Variants in OPRM1 observed in about 807,000 individuals in gnomAD.
OPRM1 encodes the protein mu-type opioid receptor.
In OPRM1, 27 loss-of-function variants were observed where a neutral mutation model predicts 31.8. The observed-to-expected ratio is 0.85, with a 90% CI of 0.63 to 1.17. The LOEUF is 1.17. OPRM1 is among the 50% of genes most tolerant of loss of function. The probability of loss-of-function intolerance (pLI) is 0.00; values close to 1 mark genes in which losing one functional copy is unlikely to be tolerated. For synonymous variants in OPRM1, 196 were observed against 189.9 expected, an observed-to-expected ratio of 1.03 and a Z score of -0.26; for missense variants, 536 against 511.1, an observed-to-expected ratio of 1.05 and a Z score of -0.47.
At chr6:154,030,112 T>G (rs73788968) in intron 1 of OPRM1, among the ~76,000 whole-genome samples, 4,345 of 152,230 alleles carry the variant, frequency 0.029, 195 homozygotes, top group African/African-American at 0.1. Context: ...AACACAATGG[T>G]CTATCATTAA....
rs550544930 is a variant in OPRM1 at position 154,121,412 on chromosome 6, C to T, written c.*2691C>T. Among the ~76,000 whole-genome samples, 1 of 152,306 alleles carries T rather than the reference C, an allele frequency of 6.6e-6. No homozygotes were observed. Among genetic ancestry groups the T allele is most frequent in the East Asian group, 1.9e-4 (1 of 5,188 alleles). On this transcript the variant is annotated 3_prime_UTR_variant, in exon 4 of 4. Coordinates refer to ENST00000330432, the MANE Select transcript of OPRM1 (RefSeq NM_000914.5). ...TGGTGAGTCTCTAGGACCCTGCTATCCTATCCCAACAGGGCTGTCAGACGG... is the reference window on the plus strand; with the variant it reads ...TGGTGAGTCTCTAGGACCCTGCTATTCTATCCCAACAGGGCTGTCAGACGG...
chr6:154,180,360 A>T (rs1335864360), intron 3 of OPRM1, among the ~76,000 whole-genome samples: 1 of 149,336 alleles, frequency 6.7e-6, no homozygotes, highest in African/African-American at 2.5e-5. Flanking sequence ...ATATATATAT[A>T]TACTGAGCTA....
chr6:154,246,670 C>T, intron 3 of OPRM1: 1 of 1,614,094 alleles, frequency 6.2e-7, no homozygotes, highest in Non-Finnish European at 8.5e-7. Context: ...TAGGAAACTT[C>T]CCTTTTCCTT....
intron 1 of OPRM1, among the ~76,000 whole-genome samples, chr6:154,050,369 A>T (rs1781947752): frequency 6.6e-6 from 1 of 152,226 alleles, no homozygotes; most frequent in African/African-American, 2.4e-5. Flanking sequence ...AGATTAATGG[A>T]TAAAGAAAAT....
chr6:154,228,505 G>A (rs560188617), intron 3 of OPRM1, among the ~76,000 whole-genome samples: 4 of 152,216 alleles, frequency 2.6e-5, no homozygotes, highest in African/African-American at 9.6e-5. Context: ...GATGTTCTAT[G>A]ATCTCAAACC....
Position 154,108,424 on chromosome 6 carries a change from G to A in OPRM1, c.1165-10259G>A, listed in dbSNP as rs958018897. On this transcript the variant is annotated intron_variant, in intron 3 of 3. Coordinates refer to ENST00000330432, the MANE Select transcript of OPRM1 (RefSeq NM_000914.5). ...GTGGGGAAGGTGAAATGATCAAGGA[G>A]GCCAGAGAAAGACTCACCTATTGCA... is the stretch of plus-strand genomic sequence containing the variant. 1.3e-4 allele frequency: 20 copies of A among 158,154 alleles called. No individual in the cohort carries two copies. Among genetic ancestry groups the A allele is most frequent in the Non-Finnish European group, 2.2e-4 (16 of 72,326 alleles). 9.8% of individuals were successfully genotyped at this position (158,154 alleles called of 1,614,324 possible).
chr6:154,137,968 A>G (rs1255546833), intron 3 of OPRM1, among the ~76,000 whole-genome samples: 1 of 152,226 alleles, frequency 6.6e-6, no homozygotes, highest in African/African-American at 2.4e-5. Context: ...TTTCCAACTA[A>G]CATGGGGCAT....
At chr6:154,100,132 A>ATATAATATATATTATCATATTATGACG (rs1794502491) in intron 3 of OPRM1, among the ~76,000 whole-genome samples, 1 of 30,254 alleles carries the variant, frequency 3.3e-5, no homozygotes, top group Admixed American at 4.3e-4. Context: ...ATATTATGAC[A>ATATAATATATATTATCATATTATGACG]TATAATATAT....
At chr6:154,044,260 A>T (rs918615616) in intron 1 of OPRM1, among the ~76,000 whole-genome samples, 2 of 152,138 alleles carry the variant, frequency 1.3e-5, no homozygotes, top group African/African-American at 4.8e-5. Context: ...CATTTACTAC[A>T]TATGGAAACA....
intron 3 of OPRM1, among the ~76,000 whole-genome samples, chr6:154,162,976 G>T (rs2128549223): frequency 6.6e-6 from 1 of 152,208 alleles, no homozygotes; most frequent in Middle Eastern, 3.4e-3. Context: ...AGCACTTAAT[G>T]GTAACTCCGT....
At chr6:154,225,340 C>T (rs933637447) in intron 3 of OPRM1, among the ~76,000 whole-genome samples, 18 of 152,212 alleles carry the variant, frequency 1.2e-4, no homozygotes, top group African/African-American at 4.3e-4. Context: ...TAGAAACAGC[C>T]CAAATGCCCA....
rs567312533 is a variant in OPRM1, at chr6:154,010,714, T to G, written c.-305T>G. 5.6e-6 allele frequency: 8 copies of G among 1,433,088 alleles called. No individual in the cohort carries two copies. In the East Asian group the frequency reaches 2.0e-4, roughly 36 times the overall value. The allele number at this position is 1,433,088 out of a possible 1,614,324, so 88.8% of individuals were successfully genotyped here. A position where few individuals can be genotyped will look rare whatever the true frequency, so the allele number is the denominator to read the frequency against. On this transcript the variant is annotated 5_prime_UTR_variant, in exon 1 of 6. Transcript: ENST00000434900. ...GGGTCAGACAGGCTTCTGGATTCAGTGTGTGGACATGACTTTGCCTGCATG... is the reference window on the plus strand; with the variant it reads ...GGGTCAGACAGGCTTCTGGATTCAGGGTGTGGACATGACTTTGCCTGCATG...
intron 1 of OPRM1, among the ~76,000 whole-genome samples, chr6:154,020,625 G>A (rs952834552): frequency 1.3e-5 from 2 of 152,170 alleles, no homozygotes; most frequent in Non-Finnish European, 2.9e-5. Context: ...TTCGGATTAT[G>A]ATCGGCACTG....
At chr6:154,020,522 C>A (rs997202822) in intron 1 of OPRM1, among the ~76,000 whole-genome samples, 1 of 152,162 alleles carries the variant, frequency 6.6e-6, no homozygotes, top group African/African-American at 2.4e-5. Flanking sequence ...AAGACATTTA[C>A]TTACATTTGT....
At chr6:154,180,414 A>ATATATATATATTTT (rs1241250621) in intron 3 of OPRM1, among the ~76,000 whole-genome samples, 39 of 65,242 alleles carry the variant, frequency 6.0e-4, no homozygotes, top group African/African-American at 1.6e-3. Flanking sequence ...ATATATATAT[A>ATATATATATATTTT]TTTTTTTTTT....
At chr6:154,134,707 G>A (rs1184126912), downstream of OPRM1, among the ~76,000 whole-genome samples, 2 of 152,148 alleles carry the variant, frequency 1.3e-5, no homozygotes, top group Non-Finnish European at 2.9e-5. Context: ...CAGATAGAAG[G>A]AGCGATCAGG....
chr6:154,212,726 C>T, intron 3 of OPRM1: 2 of 1,281,890 alleles, frequency 1.6e-6, no homozygotes, highest in Non-Finnish European at 2.3e-6. Context: ...ATGACATCCA[C>T]ATGTCTGATC....
chr6:154,018,817 C>T (rs889391676), intron 1 of OPRM1, among the ~76,000 whole-genome samples: 5 of 152,186 alleles, frequency 3.3e-5, no homozygotes, highest in Non-Finnish European at 5.9e-5. Flanking sequence ...GGCCCACCTT[C>T]CTTATATCCA....
chr6:154,076,257 C>G (rs1448816278), intron 1 of OPRM1, among the ~76,000 whole-genome samples: 1 of 152,080 alleles, frequency 6.6e-6, no homozygotes, highest in Admixed American at 6.5e-5. Flanking sequence ...AACACACCCA[C>G]CACAGGTAGT....
Sources: allele counts gnomAD v4.1 joint callset (sites outside exome capture counted in the v4.1 genomes callset), GRCh38; gene constraint gnomAD v4.1.1; transcripts MANE v1.5; gene names NCBI Gene and HGNC (gene_info 2026-07-23, HGNC 2026-07-21).